The following COL20A1 variants were observed in gnomAD, a reference collection of about 807,000 sequenced individuals.
The protein encoded by COL20A1 is collagen type XX alpha 1 chain.
In COL20A1, 164 loss-of-function variants were observed where a neutral mutation model predicts 152.9. That is an observed-to-expected ratio of 1.07 (90% CI 0.94 to 1.22). The LOEUF (loss-of-function observed/expected upper bound fraction) is 1.22, where lower values mean the gene tolerates loss of function less well. COL20A1 is among the 50% of genes most tolerant of loss of function. The pLI is 0.00. For missense variants in COL20A1, 1,873 were observed against 1,744.8 expected (o/e 1.07, Z -1.31); for synonymous variants, 864 against 756.0 (o/e 1.14, Z -2.34).
intron 5 of COL20A1, 61 bp from the exon 6 acceptor site, chr20:63,307,429 C>G (rs966117024): frequency 1.5e-5 from 22 of 1,515,326 alleles, no homozygotes; most frequent in Admixed American, 7.2e-5. Flanking sequence ...GGTAGGTGAT[C>G]TGGGGGCCTT....
In COL20A1 at chr20:63,313,554, G is replaced by A. The variant is rs1037233797; in HGVS notation, c.2210-189G>A. On this transcript the variant is annotated intron_variant, in intron 17 of 35. Transcript: ENST00000358894. The surrounding 1 kb of genome is among the most constrained non-coding windows in gnomAD (Gnocchi z 5.9). The stretch of plus-strand genomic sequence containing the variant: ...GCGTGGTGTGGGTGTGGTGGGGTGC[G>A]GTGTGGGCAGTGGCAGGGGTGTGGT... Among the ~76,000 whole-genome samples the A allele has an allele frequency of 1.1e-4, 16 of 152,220 alleles. No homozygotes were observed. Among genetic ancestry groups the A allele is most frequent in the Admixed American group, 7.8e-4 (12 of 15,302 alleles).
At chr20:63,307,679 C>T (rs769695555) in intron 6 of COL20A1, 31 bp downstream of exon 6, 1 of 1,599,288 alleles carries the variant, frequency 6.3e-7, no homozygotes, top group Non-Finnish European at 8.5e-7. Context: ...CCTCCTGCCC[C>T]ACCCGGGTGT....
At chr20:63,303,567 A>C (rs1457074697) in intron 3 of COL20A1, among the ~76,000 whole-genome samples, 3 of 152,178 alleles carry the variant, frequency 2.0e-5, no homozygotes, top group Non-Finnish European at 4.4e-5. Flanking sequence ...GAGGCTTGAT[A>C]CCTGTGAAAT....
At chr20:63,310,246 G>C in intron 10 of COL20A1, 135 bp from the exon 11 acceptor site, 1 of 914,996 alleles carries the variant, frequency 1.1e-6, no homozygotes, top group South Asian at 1.6e-5. Context: ...TAGGTACAGG[G>C]AGCCCAGGCC....
Position 63,305,561 on chromosome 20 carries a change from G to GT in COL20A1, c.337+2dup. The stretch of plus-strand genomic sequence containing the variant: ...CTGCTAGCTCGGAGGGAGTTTGTGA[G>GT]TAAGTCCACCGTCTGCCAGCTGGGT... On this transcript the variant is annotated splice_donor_variant, in intron 4 of 35. Transcript: ENST00000358894. LOFTEE classifies it high-confidence loss of function. This position sits in a 1 kb window ranked among gnomAD's most constrained non-coding sequence, Gnocchi z 4.9. 6.3e-7 allele frequency: 1 copy of GT among 1,591,156 alleles called. No individual in the cohort carries two copies. The highest frequency in any genetic ancestry group is 1.1e-5 in the South Asian group (1 of 87,310).
In COL20A1 at chr20:63,308,611, A is replaced by G. The variant is rs747403095; in HGVS notation, c.845A>G (p.Lys282Arg). ...GCTGGCCTCCGTCCAGAGGCAGCCAAGGTGGTGATTCTGGTGACGGACGGC... is the reference window on the plus strand; with the variant it reads ...GCTGGCCTCCGTCCAGAGGCAGCCAGGGTGGTGATTCTGGTGACGGACGGC... ...PAAGLRPEAA[K>R]VVILVTDGKS... The change falls in exon 8 of 36, where the codon AAG (lysine) becomes AGG (arginine). Residue 282 changes from lysine (K) to arginine (R), a missense_variant. Lys to Arg is a conservative substitution (Grantham distance 26). Coordinates refer to ENST00000358894, the MANE Select transcript of COL20A1 (RefSeq NM_020882.4). 5.6e-6 allele frequency: 9 copies of G among 1,606,324 alleles called. No homozygotes were observed. The East Asian group carries it at 1.8e-4, about 32-fold the overall frequency.
chr20:63,307,965 C>T lies in COL20A1; in HGVS notation c.656-6C>T, dbSNP rs1292658208. On this transcript the variant is annotated splice_region_variant and splice_polypyrimidine_tract_variant and intron_variant, in intron 6 of 35. Transcript: ENST00000358894. ...CTCAGCCCGTGGCCATGCCCCTGCT[C>T]CCCAGGCCTGACTCAGTACAGCGGG... 1.2e-6 allele frequency: 2 copies of T among 1,612,092 alleles called. No individual in the cohort carries two copies. Among genetic ancestry groups the T allele is most frequent in the Non-Finnish European group, 1.7e-6 (2 of 1,179,490 alleles).
chr20:63,315,783 G>A (rs1038101896), intron 20 of COL20A1, among the ~76,000 whole-genome samples: 8 of 152,220 alleles, frequency 5.3e-5, no homozygotes, highest in Non-Finnish European at 5.9e-5. Context: ...AGTTGCCTGA[G>A]AGTGAGGCCC....
At position 63,325,702 on chromosome 20, in the gene COL20A1, T is replaced by G. The variant is rs376338171; in HGVS notation, c.3383T>G (p.Val1128Gly). 21 of 1,611,648 alleles carry G rather than the reference T, an allele frequency of 1.3e-5. No homozygotes were observed. Among genetic ancestry groups the G allele is most frequent in the Non-Finnish European group, 1.7e-5 (20 of 1,179,496 alleles). Residue 1128 changes from valine to glycine, a missense_variant, in exon 29 of 36, where the codon GTT becomes GGT. Transcript: ENST00000358894. ...GGCCACCAGGGCATCCCCGGGAGAG[T>G]TGGCCTCCAGGGACCAAAGGTGCCG... ...HPGHQGIPGR[V>G]GLQGPKGMRG...
chr20:63,296,621 T>TC lies in COL20A1; in HGVS notation c.83-1287dup, dbSNP rs535551678. On this transcript the variant is annotated intron_variant, in intron 2 of 35. Coordinates refer to ENST00000358894, the MANE Select transcript of COL20A1 (RefSeq NM_020882.4). ...TGCTCAGGCCCCAACAGTGCTGTCC[T>TC]CCAGCAGGGAGCTGGGGAAGGGGTC... 2.0e-5 allele frequency among the ~76,000 whole-genome samples: 3 copies of TC among 152,286 alleles called. No homozygotes were observed. The East Asian group carries it at 5.8e-4, about 29-fold the overall frequency.
chr20:63,296,652 C>T (rs965653516), intron 2 of COL20A1, among the ~76,000 whole-genome samples: 5 of 152,206 alleles, frequency 3.3e-5, no homozygotes, highest in South Asian at 2.1e-4. Context: ...GGGTCCCTGA[C>T]GTTCTCAGGC....
At position 63,295,336 on chromosome 20, in the gene COL20A1, G is replaced by T; in HGVS notation, c.82+147G>T. The T allele has an allele frequency of 4.9e-6, 3 of 617,258 alleles. No individual in the cohort carries two copies. The South Asian group carries it at 6.0e-5, about 12-fold the overall frequency. The allele number at this position is 617,258 out of a possible 1,614,324, so 38.2% of individuals were successfully genotyped here. ...ATTCACAGCAGCTCCCACAACAAAG[G>T]CAAGACGGGAGGGAGCGTGTGCTCC... is the stretch of plus-strand genomic sequence containing the variant. On this transcript the variant is annotated intron_variant, in intron 2 of 35. Coordinates refer to ENST00000358894, the MANE Select transcript of COL20A1 (RefSeq NM_020882.4).
chr20:63,320,247 G>GCCT, intron 24 of COL20A1, 44 bp from the exon 25 acceptor site: 22 of 1,604,974 alleles, frequency 1.4e-5, no homozygotes, highest in Non-Finnish European at 1.9e-5. Context: ...GGGGCTGGCA[G>GCCT]CCTCTCTGAG....
Position 63,312,555 on chromosome 20 carries a change from T to C in COL20A1, c.1933+6T>C. 1 of 1,562,554 alleles carries C rather than the reference T, an allele frequency of 6.4e-7. No homozygotes were observed. The highest frequency in any genetic ancestry group is 8.6e-7 in the Non-Finnish European group (1 of 1,159,694). On this transcript the variant is annotated splice_donor_region_variant and intron_variant, in intron 15 of 35. Transcript: ENST00000358894. ...GACTGGCCGGGTGACCACCAGTGAG[T>C]GGGGAGAGGCTGGGGCTGGGGGTCC...
chr20:63,294,942 G>A, intron 1 of COL20A1, 156 bp from the exon 2 acceptor site: 1 of 582,360 alleles, frequency 1.7e-6, no homozygotes, highest in Non-Finnish European at 3.1e-6. Context: ...CTAGACAACA[G>A]GTTGCAGGCC....
Position 63,297,209 on chromosome 20 carries a change from G to T in COL20A1, c.83-701G>T, listed in dbSNP as rs2067805452. On this transcript the variant is annotated intron_variant, in intron 2 of 35. Coordinates refer to ENST00000358894, the MANE Select transcript of COL20A1 (RefSeq NM_020882.4). ...CCTTGGCAGCTAGGGGTCTGCAGCT[G>T]CATGGCCACTTGTCCTGGGGACCCA... 2.0e-5 allele frequency among the ~76,000 whole-genome samples: 3 copies of T among 152,208 alleles called. No individual in the cohort carries two copies. In the South Asian group the frequency reaches 6.2e-4, roughly 32 times the overall value.
chr20:63,306,043 G>C lies in COL20A1; in HGVS notation c.496+4G>C, dbSNP rs564471289. On this transcript the variant is annotated splice_donor_region_variant and intron_variant, in intron 5 of 35. Coordinates refer to ENST00000358894, the MANE Select transcript of COL20A1 (RefSeq NM_020882.4). This position sits in a 1 kb window ranked among gnomAD's most constrained non-coding sequence, Gnocchi z 6.9. ...AGCCAGGATCCGCGCACTCCTGGTG[G>C]GTCAGAGTGGAGAGAGAGTAAGTCT... is the stretch of plus-strand genomic sequence containing the variant. 1 of 1,596,586 alleles carries C rather than the reference G, an allele frequency of 6.3e-7. No individual in the cohort carries two copies. The highest frequency in any genetic ancestry group is 8.5e-7 in the Non-Finnish European group (1 of 1,173,106).
chr20:63,297,949 G>C lies in COL20A1; in HGVS notation c.122G>C (p.Arg41Pro). Residue 41 changes from arginine to proline, a missense_variant, in exon 3 of 36, where the codon CGG becomes CCG. Coordinates refer to ENST00000358894, the MANE Select transcript of COL20A1 (RefSeq NM_020882.4). ...LLRLAVLPED[R>P]LQMKWRESEG... is the part of the protein sequence containing the mutation. Reference sequence around the variant, plus strand: ...AGGCTGGCTGTGCTGCCTGAGGACCGGCTGCAGATGAAGTGGAGAGAGTCG... The same window carrying C: ...AGGCTGGCTGTGCTGCCTGAGGACCCGCTGCAGATGAAGTGGAGAGAGTCG... 1.2e-6 allele frequency: 2 copies of C among 1,613,306 alleles called. No homozygotes were observed.
Position 63,326,167 on chromosome 20 carries a change from A to G in COL20A1, c.3456+18A>G. Reference sequence around the variant, plus strand: ...GCCCCAGGGTAGGCACCGACCTCCCATGACCCCGACCCCCACCCAGGGTTC... The same window carrying G: ...GCCCCAGGGTAGGCACCGACCTCCCGTGACCCCGACCCCCACCCAGGGTTC... On this transcript the variant is annotated intron_variant, in intron 30 of 35. Transcript: ENST00000358894. 1 of 1,602,846 alleles carries G rather than the reference A, an allele frequency of 6.2e-7. No homozygotes were observed. Among genetic ancestry groups the G allele is most frequent in the South Asian group, 1.1e-5 (1 of 90,858 alleles).
Sources: gnomAD v4.1 joint callset for allele counts (sites outside exome capture counted in the v4.1 genomes callset) on GRCh38, gnomAD v4.1.1 for gene constraint, Gnocchi (gnomAD v3.1) non-coding constraint, MANE v1.5 for transcripts, NCBI Gene and HGNC (gene_info 2026-07-23, HGNC 2026-07-21) for gene names.